Variants in SCAMP1 observed in about 807,000 individuals in gnomAD.
SCAMP1 encodes the protein secretory carrier membrane protein 1.
A neutral mutation model predicts 41.8 loss-of-function variants in SCAMP1; 15 were observed. The observed-to-expected ratio is 0.36, with a 90% CI of 0.24 to 0.55. The LOEUF (loss-of-function observed/expected upper bound fraction) is 0.55. SCAMP1 is among the 20% of genes least tolerant of loss of function. The probability of loss-of-function intolerance (pLI) is 0.86; values close to 1 mark genes in which losing one functional copy is unlikely to be tolerated. For missense variants in SCAMP1, 341 were observed against 412.6 expected, an observed-to-expected ratio of 0.83 and a Z score of 1.50; for synonymous variants, 135 against 136.8, an observed-to-expected ratio of 0.99 and a Z score of 0.09.
Position 78,475,701 on chromosome 5 carries a change from C to T in SCAMP1, c.*33C>T. The T allele has an allele frequency of 6.9e-7, 1 of 1,439,542 alleles. No individual in the cohort carries two copies. The highest frequency in any genetic ancestry group is 9.2e-7 in the Non-Finnish European group (1 of 1,088,570). 89.2% of individuals were successfully genotyped at this position (1,439,542 alleles called of 1,614,324 possible). A position where few individuals can be genotyped will look rare whatever the true frequency, so the allele number is the denominator to read the frequency against. Reference sequence around the variant, plus strand: ...CAAACAATACACTGTTACCTTTTGACTGTACCTTTTTCTCCAGTTACTGTA... The same window carrying T: ...CAAACAATACACTGTTACCTTTTGATTGTACCTTTTTCTCCAGTTACTGTA... On this transcript the variant is annotated 3_prime_UTR_variant, in exon 9 of 9. Transcript: ENST00000621999.
intron 7 of SCAMP1, among the ~76,000 whole-genome samples, chr5:78,454,934 T>G (rs1345377411): frequency 5.3e-5 from 8 of 152,110 alleles, no homozygotes; most frequent in East Asian, 1.9e-4. Context: ...GTCGAGGAAT[T>G]TATCCATTTC....
At chr5:78,464,371 T>C (rs1753689924) in intron 8 of SCAMP1, among the ~76,000 whole-genome samples, 1 of 152,162 alleles carries the variant, frequency 6.6e-6, no homozygotes, top group South Asian at 2.1e-4. Flanking sequence ...CTTGATCTCC[T>C]GACCTCGTGT....
In SCAMP1 at chr5:78,476,040, A is replaced by G. The variant is rs1753996217; in HGVS notation, c.*372A>G. Reference sequence around the variant, plus strand: ...AAGAATCTTTAGAGATAAGGATTGCACATTGGAAAAGTAAACCATGTTTCA... The same window carrying G: ...AAGAATCTTTAGAGATAAGGATTGCGCATTGGAAAAGTAAACCATGTTTCA... On this transcript the variant is annotated 3_prime_UTR_variant, in exon 9 of 9. Transcript: ENST00000621999. The G allele has an allele frequency of 6.5e-6, 1 of 153,740 alleles. No individual in the cohort carries two copies. Among genetic ancestry groups the G allele is most frequent in the Non-Finnish European group, 1.5e-5 (1 of 68,778 alleles). The allele number at this position is 153,740 out of a possible 1,614,324, so 9.5% of individuals were successfully genotyped here. A position where few individuals can be genotyped will look rare whatever the true frequency, so the allele number is the denominator to read the frequency against.
In SCAMP1 at chr5:78,479,691, G is replaced by A. The variant is rs141172486; in HGVS notation, c.*4023G>A. On this transcript the variant is annotated 3_prime_UTR_variant, in exon 9 of 9. Transcript: ENST00000621999. ...ACTGTTCTCCAGTTTTCTCACCCCC[G>A]CTGTGGGTTTTATATTTACAATTTA... Among the ~76,000 whole-genome samples the A allele has an allele frequency of 1.4e-3, 212 of 152,212 alleles. 1 individual carries two copies. The highest frequency in any genetic ancestry group is 2.4e-3 in the Non-Finnish European group (160 of 68,000).
intron 2 of SCAMP1, among the ~76,000 whole-genome samples, chr5:78,390,993 C>A (rs1166246793): frequency 1.1e-4 from 17 of 150,020 alleles, no homozygotes; most frequent in Non-Finnish European, 2.1e-4. Context: ...CAACAGGATC[C>A]CAAGGCAGAA....
chr5:78,361,413 C>G (rs1276505725), intron 1 of SCAMP1, among the ~76,000 whole-genome samples: 1 of 152,140 alleles, frequency 6.6e-6, no homozygotes, highest in Non-Finnish European at 1.5e-5. Context: ...CTTCCCTACC[C>G]AGCTGCTTCT....
In SCAMP1 at chr5:78,421,977, TTAAAATACACTCTTTAAAACCTGTGAAG is replaced by T; in HGVS notation, c.632+22_632+49del. On this transcript the variant is annotated intron_variant, in intron 6 of 8. Transcript: ENST00000621999. Reference sequence around the variant, plus strand: ...AGCTTTCAGGTAAAATGTGTGTACTTTAAAATACACTCTTTAAAACCTGTGAAGTAAATAATTCGTAGTATACATTAAA... The same window carrying T: ...AGCTTTCAGGTAAAATGTGTGTACTTTAAATAATTCGTAGTATACATTAAA... 1.3e-6 allele frequency: 2 copies of T among 1,594,380 alleles called. No homozygotes were observed. The highest frequency in any genetic ancestry group is 1.7e-6 in the Non-Finnish European group (2 of 1,166,138).
At chr5:78,461,240 A>G (rs1245634137) in intron 8 of SCAMP1, among the ~76,000 whole-genome samples, 34 of 152,178 alleles carry the variant, frequency 2.2e-4, no homozygotes, top group South Asian at 2.1e-4. Flanking sequence ...TTAGTAGTAA[A>G]TTCTTTGTCT....
chr5:78,363,602 C>T (rs745976337), intron 1 of SCAMP1, among the ~76,000 whole-genome samples: 4 of 152,138 alleles, frequency 2.6e-5, no homozygotes, highest in African/African-American at 9.7e-5. Context: ...ATGCTAATTT[C>T]TTTTTCATTA....
chr5:78,410,244 C>T (rs961289043), intron 2 of SCAMP1, among the ~76,000 whole-genome samples: 1 of 151,852 alleles, frequency 6.6e-6, no homozygotes, highest in African/African-American at 2.4e-5. Flanking sequence ...AGTATTAAAC[C>T]CAGCATTCAC....
chr5:78,446,043 G>A (rs558669762), intron 6 of SCAMP1, among the ~76,000 whole-genome samples: 7 of 152,260 alleles, frequency 4.6e-5, no homozygotes, highest in African/African-American at 1.7e-4. Flanking sequence ...TACAATCTTT[G>A]AGAATGATAT....
intron 2 of SCAMP1, among the ~76,000 whole-genome samples, chr5:78,397,329 T>C (rs571981762): frequency 2.0e-5 from 3 of 151,474 alleles, no homozygotes; most frequent in Admixed American, 2.0e-4. Flanking sequence ...TACATAAAAA[T>C]TAACTCAATC....
At chr5:78,366,477 C>T (rs1195427461) in intron 1 of SCAMP1, among the ~76,000 whole-genome samples, 2 of 152,040 alleles carry the variant, frequency 1.3e-5, no homozygotes, top group East Asian at 1.9e-4. Context: ...ATATTAATCC[C>T]ATTCTTGAGA....
chr5:78,432,704 A>T (rs1335200790), intron 6 of SCAMP1, among the ~76,000 whole-genome samples: 1 of 151,746 alleles, frequency 6.6e-6, no homozygotes. Context: ...AATGTGTGTT[A>T]TGTATATGTG....
chr5:78,372,849 A>G (rs1237050388), intron 1 of SCAMP1, among the ~76,000 whole-genome samples: 2 of 152,172 alleles, frequency 1.3e-5, no homozygotes, highest in East Asian at 1.9e-4. Flanking sequence ...GGTAAAATAA[A>G]TAATAATTAC....
chr5:78,468,784 A>T (rs1474372204), intron 8 of SCAMP1, among the ~76,000 whole-genome samples: 1 of 152,164 alleles, frequency 6.6e-6, no homozygotes. Context: ...AATTGGGTCT[A>T]TGATAGAGAA....
chr5:78,381,600 C>T (rs899752754), intron 1 of SCAMP1, among the ~76,000 whole-genome samples: 1 of 152,172 alleles, frequency 6.6e-6, no homozygotes, highest in Admixed American at 6.5e-5. Context: ...CTTCTTGCTG[C>T]TTACACTTTT....
chr5:78,401,405 T>TA (rs1751794871), intron 2 of SCAMP1, among the ~76,000 whole-genome samples: 1 of 152,190 alleles, frequency 6.6e-6, no homozygotes, highest in Admixed American at 6.5e-5. Context: ...ATGGAATTAG[T>TA]AAAATTTCTA....
chr5:78,442,876 A>G (rs1367126307), intron 6 of SCAMP1, among the ~76,000 whole-genome samples: 2 of 152,124 alleles, frequency 1.3e-5, no homozygotes, highest in Non-Finnish European at 2.9e-5. Context: ...TGGAATTGAA[A>G]TATTATCTTA....
Sources: allele counts gnomAD v4.1 joint callset (sites outside exome capture counted in the v4.1 genomes callset), GRCh38; gene constraint gnomAD v4.1.1; transcripts MANE v1.5; gene names NCBI Gene and HGNC (gene_info 2026-07-23, HGNC 2026-07-21).